ESYT1: variants seen among roughly 807,000 people sequenced by gnomAD.
ESYT1 encodes the protein extended synaptotagmin 1.
A neutral mutation model predicts 154.2 loss-of-function variants in ESYT1; 116 were observed. That is an observed-to-expected ratio of 0.75 (90% CI 0.65 to 0.88). The LOEUF is 0.88. Ranked by LOEUF, ESYT1 falls within the 40% of genes least tolerant of loss-of-function variation. The pLI is 0.00. For synonymous variants in ESYT1, 500 were observed against 539.9 expected (o/e 0.93, Z 1.02); for missense variants, 1,264 against 1,379.3 (o/e 0.92, Z 1.32).
In ESYT1 at chr12:56,132,501, G is replaced by C. The variant is rs201198388; in HGVS notation, c.1065G>C (p.Lys355Asn). The C allele has an allele frequency of 6.2e-7, 1 of 1,614,216 alleles. No homozygotes were observed. Among genetic ancestry groups the C allele is most frequent in the Non-Finnish European group, 8.5e-7 (1 of 1,180,032 alleles). ...DKYVKGLIEG[K>N]SDPYALVRLG... is the part of the protein sequence containing the mutation. Reference sequence around the variant, plus strand: ...ATGTGAAGGGCCTGATTGAGGGCAAGTCAGACCCATATGCACTTGTGCGTT... The same window carrying C: ...ATGTGAAGGGCCTGATTGAGGGCAACTCAGACCCATATGCACTTGTGCGTT... The change falls in exon 9 of 31, where the codon AAG becomes AAC. Residue 355 changes from lysine (K) to asparagine (N), a missense_variant. By Grantham distance (94) the Lys-to-Asn change is moderately conservative. Coordinates refer to ENST00000394048, the MANE Select transcript of ESYT1 (RefSeq NM_015292.3).
Position 56,143,119 on chromosome 12 carries a change from G to A in ESYT1, c.3090G>A (p.Lys1030=). ...CCAAGAGGAGGACCTCACAGAAGAA[G>A]AGGACCCTGAGTCCTGAATTTAATG... The part of the protein sequence containing the change: ...RGTKRRTSQK[K]RTLSPEFNER... The change falls in exon 28 of 31, where the codon AAG becomes AAA. Residue 1030 remains lysine (K), a synonymous_variant. Transcript: ENST00000394048. 6.2e-7 allele frequency: 1 copy of A among 1,614,184 alleles called. No homozygotes were observed. The highest frequency in any genetic ancestry group is 8.5e-7 in the Non-Finnish European group (1 of 1,180,048).
At chr12:56,130,487 C>T (rs753457157) in intron 1 of ESYT1, 95 bp from the exon 2 acceptor site, 90 of 1,483,554 alleles carry the variant, frequency 6.1e-5, no homozygotes, top group Non-Finnish European at 8.0e-5. Flanking sequence ...GTCACACACA[C>T]TCCCTCTCCT....
rs764759326 is a variant in ESYT1 at position 56,142,964 on chromosome 12, C to T, written c.2987+31C>T. On this transcript the variant is annotated intron_variant, in intron 27 of 30. Transcript: ENST00000394048. The surrounding 1 kb of genome is among the most constrained non-coding windows in gnomAD (Gnocchi z 4.1). The stretch of plus-strand genomic sequence containing the variant: ...ACCCCATCCCTCCTGTCCTCCAGAT[C>T]GCCTCCATCCCTTCCCTCAGGTTAC... The T allele has an allele frequency of 5.0e-6, 8 of 1,613,960 alleles. No homozygotes were observed. Among genetic ancestry groups the T allele is most frequent in the African/African-American group, 2.7e-5 (2 of 74,932 alleles).
rs144074014 is a variant in ESYT1 at position 56,137,655 on chromosome 12, C to T, written c.2095C>T (p.Arg699Cys). 1.5e-5 allele frequency: 25 copies of T among 1,613,916 alleles called. No individual in the cohort carries two copies. Among genetic ancestry groups the T allele is most frequent in the South Asian group, 4.4e-5 (4 of 91,064 alleles). The part of the protein sequence containing the change: ...SHVVREDLNP[R>C]WNEVFEVIVT... Reference sequence around the variant, plus strand: ...TGTTGTTCGGGAAGATCTCAATCCCCGCTGGAATGAGGTTTTTGAGGTCAG... The same window carrying T: ...TGTTGTTCGGGAAGATCTCAATCCCTGCTGGAATGAGGTTTTTGAGGTCAG... Residue 699 changes from arginine to cysteine, a missense_variant, in exon 18 of 31, where the codon CGC (arginine) becomes TGC (cysteine). Coordinates refer to ENST00000394048, the MANE Select transcript of ESYT1 (RefSeq NM_015292.3).
chr12:56,137,718 T>TC, intron 18 of ESYT1, 43 bp downstream of exon 18: 1 of 1,609,538 alleles, frequency 6.2e-7, no homozygotes. Flanking sequence ...GCCCCATTTT[T>TC]CCCCCAATCC....
At chr12:56,133,900 C>T (rs1870343195) in intron 13 of ESYT1, 27 bp downstream of exon 13, 2 of 1,607,742 alleles carry the variant, frequency 1.2e-6, no homozygotes, top group African/African-American at 1.3e-5. Flanking sequence ...GAACAGGAGC[C>T]CTGGATGTAA....
Position 56,144,041 on chromosome 12 carries a change from C to T in ESYT1, c.*179C>T. The T allele has an allele frequency of 2.1e-6, 3 of 1,459,994 alleles. No individual in the cohort carries two copies. Among genetic ancestry groups the T allele is most frequent in the South Asian group, 2.8e-5 (2 of 71,722 alleles). 90.4% of individuals were successfully genotyped at this position (1,459,994 alleles called of 1,614,324 possible). The stretch of plus-strand genomic sequence containing the variant: ...GACCAAAGAGAAGAACCGTATGTTC[C>T]CTTTACTGCACGGCCTTTATCCTTC... On this transcript the variant is annotated 3_prime_UTR_variant, in exon 31 of 31. Transcript: ENST00000394048.
rs766470405 is a variant in ESYT1, at chr12:56,132,474, A to G, written c.1038A>G (p.Lys346=). The change falls in exon 9 of 31, where the codon AAA becomes AAG. Residue 346 remains lysine (K), a synonymous_variant. Coordinates refer to ENST00000394048, the MANE Select transcript of ESYT1 (RefSeq NM_015292.3). ...CTCGAGGGCTGAGTTCCAAGGACAAATATGTGAAGGGCCTGATTGAGGGCA... is the reference window on the plus strand; with the variant it reads ...CTCGAGGGCTGAGTTCCAAGGACAAGTATGTGAAGGGCCTGATTGAGGGCA... The part of the protein sequence containing the change: ...LAARGLSSKD[K]YVKGLIEGKS... The G allele has an allele frequency of 6.2e-7, 1 of 1,614,154 alleles. No homozygotes were observed. Among genetic ancestry groups the G allele is most frequent in the Non-Finnish European group, 8.5e-7 (1 of 1,180,034 alleles).
chr12:56,132,383 G>C (rs1299560809), intron 8 of ESYT1, 38 bp from the exon 9 acceptor site: 2 of 1,614,000 alleles, frequency 1.2e-6, no homozygotes, highest in Non-Finnish European at 1.7e-6. Flanking sequence ...ACCCCTTGCT[G>C]GGTCCTTAGT....
At position 56,137,678 on chromosome 12, in the gene ESYT1, C is replaced by G. The variant is rs777596819; in HGVS notation, c.2115+3C>G. 6.2e-7 allele frequency: 1 copy of G among 1,613,360 alleles called. No individual in the cohort carries two copies. The highest frequency in any genetic ancestry group is 8.5e-7 in the Non-Finnish European group (1 of 1,179,550). ...CCCGCTGGAATGAGGTTTTTGAGGT[C>G]AGAATTGAGTGGCTGTGACTCCTGG... On this transcript the variant is annotated splice_donor_region_variant and intron_variant, in intron 18 of 30. Transcript: ENST00000394048.
intron 19 of ESYT1, 52 bp from the exon 20 acceptor site, chr12:56,137,974 G>T: frequency 6.2e-7 from 1 of 1,613,364 alleles, no homozygotes; most frequent in Middle Eastern, 1.7e-4. Flanking sequence ...ATGGAGTCTG[G>T]CCTCCTTGGT....
At position 56,143,345 on chromosome 12, in the gene ESYT1, G is replaced by A. The variant is rs1419132340; in HGVS notation, c.3225+12G>A. The A allele has an allele frequency of 6.2e-7, 1 of 1,612,846 alleles. No homozygotes were observed. Among genetic ancestry groups the A allele is most frequent in the Non-Finnish European group, 8.5e-7 (1 of 1,179,124 alleles). On this transcript the variant is annotated intron_variant, in intron 29 of 30. Transcript: ENST00000394048. ...AGCTGCTGGGGAAGGTAAGAGGGCA[G>A]GATGGCAGGGCAGAGGTGAGGGCTG...
chr12:56,132,964 C>A (rs1870301587), intron 10 of ESYT1, among the ~76,000 whole-genome samples, 163 bp downstream of exon 10: 2 of 151,756 alleles, frequency 1.3e-5, no homozygotes, highest in Admixed American at 1.3e-4. Flanking sequence ...ACTAAAAATA[C>A]AAAAATTAGC....
chr12:56,142,810 C>G lies in ESYT1; in HGVS notation c.2889-25C>G. ...AGGTTCACTAGGCTCTAGCTTTCCC[C>G]AGACCTACTGATATTTCTCCACAGT... On this transcript the variant is annotated intron_variant, in intron 26 of 30. Coordinates refer to ENST00000394048, the MANE Select transcript of ESYT1 (RefSeq NM_015292.3). This position sits in a 1 kb window ranked among gnomAD's most constrained non-coding sequence, Gnocchi z 4.1. The G allele has an allele frequency of 2.5e-6, 4 of 1,613,892 alleles. No individual in the cohort carries two copies. Among genetic ancestry groups the G allele is most frequent in the Non-Finnish European group, 3.4e-6 (4 of 1,179,860 alleles).
chr12:56,132,595 G>A lies in ESYT1; in HGVS notation c.1159G>A (p.Glu387Lys). ...CAACCCACAGTGGGGAGAGACTTAT[G>A]AGGTGGGAGAGTTGAGCAGCTCTGT... ...ELNPQWGETY[E>K]VMVHEVPGQE... Residue 387 changes from glutamate to lysine, a missense_variant and splice_region_variant, in exon 9 of 31, where the codon GAG (glutamate) becomes AAG (lysine). By Grantham distance (56) the Glu-to-Lys change is moderately conservative. Coordinates refer to ENST00000394048, the MANE Select transcript of ESYT1 (RefSeq NM_015292.3). 6.2e-7 allele frequency: 1 copy of A among 1,614,210 alleles called. No individual in the cohort carries two copies.
Position 56,133,874 on chromosome 12 carries a change from G to T in ESYT1, c.1473+1G>T. The T allele has an allele frequency of 1.2e-6, 2 of 1,614,034 alleles. No homozygotes were observed. The highest frequency in any genetic ancestry group is 1.7e-6 in the Non-Finnish European group (2 of 1,179,984). On this transcript the variant is annotated splice_donor_variant, in intron 13 of 30. Transcript: ENST00000394048. LOFTEE classifies it high-confidence loss of function. The stretch of plus-strand genomic sequence containing the variant: ...CCTGGATCGGGCCCAGGATCTTCCT[G>T]TGAGTTTGGCTGGGTGAACAGGAGC...
At chr12:56,140,087 C>T (rs780010075) in intron 24 of ESYT1, among the ~76,000 whole-genome samples, 23 of 151,956 alleles carry the variant, frequency 1.5e-4, no homozygotes, top group African/African-American at 2.9e-4. Flanking sequence ...AGGCTGGTCT[C>T]GAACTCCTGG....
At chr12:56,141,575 T>C (rs7967082) in intron 24 of ESYT1, among the ~76,000 whole-genome samples, 2,033 of 152,086 alleles carry the variant, frequency 0.013, 52 homozygotes, top group African/African-American at 0.043. Context: ...CCTGTCTCTA[T>C]TAAAAATACA....
chr12:56,144,260 T>G lies in ESYT1; in HGVS notation c.*398T>G. On this transcript the variant is annotated 3_prime_UTR_variant, in exon 31 of 31. Coordinates refer to ENST00000394048, the MANE Select transcript of ESYT1 (RefSeq NM_015292.3). Reference sequence around the variant, plus strand: ...TTAACTAGATGGTCACCTTCTTCCCTACCACACATGGGTGGGAAGGTGGAC... The same window carrying G: ...TTAACTAGATGGTCACCTTCTTCCCGACCACACATGGGTGGGAAGGTGGAC... 1 of 1,082,784 alleles carries G rather than the reference T, an allele frequency of 9.2e-7. No individual in the cohort carries two copies. The highest frequency in any genetic ancestry group is 1.6e-5 in the African/African-American group (1 of 60,720). 67.1% of individuals were successfully genotyped at this position (1,082,784 alleles called of 1,614,324 possible).
Sources: allele counts gnomAD v4.1 joint callset (sites outside exome capture counted in the v4.1 genomes callset), GRCh38; gene constraint gnomAD v4.1.1; non-coding constraint Gnocchi (gnomAD v3.1); transcripts MANE v1.5; gene names NCBI Gene and HGNC (gene_info 2026-07-23, HGNC 2026-07-21).